The following C11orf65 variants were observed in gnomAD, a reference collection of about 807,000 sequenced individuals.
C11orf65 encodes protein MFI.
A neutral mutation model predicts 35.3 loss-of-function variants in C11orf65; 38 were observed. The observed-to-expected ratio is 1.08, with a 90% confidence interval of 0.83 to 1.41. C11orf65 has a LOEUF of 1.41. C11orf65 is among the 40% of genes most tolerant of loss of function. The pLI is 0.00. For synonymous variants in C11orf65, 105 were observed against 114.4 expected (o/e 0.92, Z 0.53); for missense variants, 370 against 367.1 (o/e 1.01, Z -0.06).
intron 3 of C11orf65, among the ~76,000 whole-genome samples, chr11:108,411,442 A>G (rs2356802): frequency 0.54 from 81,609 of 152,080 alleles, 22,503 homozygotes; most frequent in Middle Eastern, 0.74. Context: ...TACTTTTGCA[A>G]AACTGTAGAC....
In C11orf65 at chr11:108,405,564, T is replaced by C; in HGVS notation, c.430-5A>G. 1 of 1,609,688 alleles carries C rather than the reference T, an allele frequency of 6.2e-7. No homozygotes were observed. The highest frequency in any genetic ancestry group is 1.7e-5 in the Admixed American group (1 of 58,972). On this transcript the variant is annotated splice_polypyrimidine_tract_variant and splice_region_variant and intron_variant, in intron 5 of 8. Transcript: ENST00000393084. ...ACCATCAGTAGATAGCCAAAACTATTGAGAAACAAAAATGAACATACAAAA... is the reference window on the plus strand; with the variant it reads ...ACCATCAGTAGATAGCCAAAACTATCGAGAAACAAAAATGAACATACAAAA...
intron 2 of C11orf65, among the ~76,000 whole-genome samples, chr11:108,435,598 C>A (rs2093049382): frequency 6.6e-6 from 1 of 152,172 alleles, no homozygotes; most frequent in African/African-American, 2.4e-5. Context: ...CCACAACCAG[C>A]TGAAGTGCTT....
At chr11:108,459,677 G>A (rs976599590) in intron 2 of C11orf65, among the ~76,000 whole-genome samples, 13 of 149,830 alleles carry the variant, frequency 8.7e-5, no homozygotes, top group Admixed American at 2.7e-4. Flanking sequence ...ACACAGTGTC[G>A]TTTCAATGGG....
chr11:108,332,676 T>C, intron 3 of C11orf65: 1 of 1,396,272 alleles, frequency 7.2e-7, no homozygotes, highest in Non-Finnish European at 9.9e-7. Context: ...GTGCATAAAT[T>C]CTGTTTTTCT....
intron 2 of C11orf65, among the ~76,000 whole-genome samples, chr11:108,342,828 C>T (rs2087757857): frequency 6.6e-6 from 1 of 152,152 alleles, no homozygotes; most frequent in Admixed American, 6.6e-5. Context: ...AGACCACATT[C>T]ATGGGTAATA....
intron 6 of C11orf65, among the ~76,000 whole-genome samples, chr11:108,398,837 GTGT>G (rs2138524586): frequency 6.6e-6 from 1 of 152,322 alleles, no homozygotes; most frequent in South Asian, 2.1e-4. Context: ...GTTATGAGAG[GTGT>G]TGTTGCCAGA....
chr11:108,369,388 T>C (rs1369700188), intron 2 of C11orf65, among the ~76,000 whole-genome samples: 1 of 152,214 alleles, frequency 6.6e-6, no homozygotes, highest in East Asian at 1.9e-4. Context: ...GAAAGTGATC[T>C]AGTTGACATT....
chr11:108,340,261 CAT>C (rs1470422979), intron 2 of C11orf65: 1 of 152,198 alleles, frequency 6.6e-6, no homozygotes. Flanking sequence ...GTTACCAACT[CAT>C]GGACAATTTT....
At position 108,332,855 on chromosome 11, in the gene C11orf65, AT is replaced by A. The variant is rs1188637675; in HGVS notation, c.300-1289del. ...TGTTGAGGCACTTTGTGATGCTTAT[AT>A]TATATTAGCAAACTTAGATGCCACT... On this transcript the variant is annotated intron_variant, in intron 3 of 3. Transcript: ENST00000524755. 2 of 1,613,148 alleles carry A rather than the reference AT, an allele frequency of 1.2e-6. No homozygotes were observed. The highest frequency in any genetic ancestry group is 2.7e-5 in the African/African-American group (2 of 74,914).
At chr11:108,417,928 G>T (rs2138843895) in intron 3 of C11orf65, among the ~76,000 whole-genome samples, 1 of 149,726 alleles carries the variant, frequency 6.7e-6, no homozygotes, top group Non-Finnish European at 1.5e-5. Flanking sequence ...ATAAAAAAAG[G>T]AAACACAATA....
In C11orf65 at chr11:108,402,954, T is replaced by A. The variant is rs1267801201; in HGVS notation, c.560+2475A>T. Among the ~76,000 whole-genome samples the A allele has an allele frequency of 2.0e-5, 3 of 152,328 alleles. 1 individual carries two copies. Among genetic ancestry groups the A allele is most frequent in the South Asian group, 4.1e-4 (2 of 4,828 alleles). On this transcript the variant is annotated intron_variant, in intron 6 of 8. Coordinates refer to ENST00000393084, the MANE Select transcript of C11orf65 (RefSeq NM_152587.5). Reference sequence around the variant, plus strand: ...TGCGTAGTATTCCTTTGTGTAGATATCCTACCACTTGCTTATCCATTCACC... The same window carrying A: ...TGCGTAGTATTCCTTTGTGTAGATAACCTACCACTTGCTTATCCATTCACC...
intron 2 of C11orf65, among the ~76,000 whole-genome samples, chr11:108,372,211 T>TTCA (rs2091592395): frequency 6.8e-6 from 1 of 146,354 alleles, no homozygotes; most frequent in Non-Finnish European, 1.5e-5. Flanking sequence ...TCATTCATTC[T>TTCA]GAGATGGAGT....
intron 2 of C11orf65, among the ~76,000 whole-genome samples, chr11:108,362,752 G>A (rs1387427450): frequency 7.2e-6 from 1 of 138,032 alleles, no homozygotes; most frequent in African/African-American, 2.7e-5. Flanking sequence ...TGAACAATGA[G>A]AACACATGGA....
At chr11:108,436,551 A>G (rs1252486467) in intron 2 of C11orf65, among the ~76,000 whole-genome samples, 2 of 152,198 alleles carry the variant, frequency 1.3e-5, no homozygotes, top group African/African-American at 4.8e-5. Context: ...GAAGTTAAAT[A>G]TGGTTAAAAG....
chr11:108,309,513 A>G (rs1444643487), intron 6 of C11orf65, among the ~76,000 whole-genome samples: 3 of 152,220 alleles, frequency 2.0e-5, no homozygotes, highest in Non-Finnish European at 4.4e-5. Flanking sequence ...CACAGCTGGT[A>G]GTAGGCAATA....
intron 7 of C11orf65, among the ~76,000 whole-genome samples, chr11:108,389,741 G>A (rs1323001289): frequency 4.6e-5 from 7 of 152,052 alleles, no homozygotes; most frequent in Non-Finnish European, 2.9e-5. Context: ...GTGCAGTGGC[G>A]CGATCTCAGC....
chr11:108,310,345 AAATT>A, intron 6 of C11orf65: 3 of 1,591,304 alleles, frequency 1.9e-6, no homozygotes, highest in Non-Finnish European at 2.6e-6. Flanking sequence ...TTGGTTTTTA[AAATT>A]AATGTTGGCA....
At chr11:108,341,596 C>G (rs1442684061) in intron 2 of C11orf65, among the ~76,000 whole-genome samples, 1 of 151,976 alleles carries the variant, frequency 6.6e-6, no homozygotes, top group Non-Finnish European at 1.5e-5. Flanking sequence ...ATGTGAGAAA[C>G]TTAAAATTTA....
downstream of C11orf65, among the ~76,000 whole-genome samples, chr11:108,381,935 GC>G (rs2091872711): frequency 6.7e-6 from 1 of 150,072 alleles, no homozygotes; most frequent in Non-Finnish European, 1.5e-5. Context: ...CTTCCTCCTT[GC>G]TCTCTCTCTC....
Sources: allele counts gnomAD v4.1 joint callset (sites outside exome capture counted in the v4.1 genomes callset), GRCh38; gene constraint gnomAD v4.1.1; transcripts MANE v1.5; gene names NCBI Gene and HGNC (gene_info 2026-07-23, HGNC 2026-07-21).